ZNF469: variants seen among roughly 807,000 people sequenced by gnomAD.
ZNF469 encodes the protein zinc finger protein 469.
A neutral mutation model predicts 1.0 loss-of-function variants in ZNF469; 1 was observed. The ratio of observed to expected loss-of-function variants is 1.00; its 90% CI spans 0.35 to 4.73. The LOEUF is 4.73. ZNF469 is among the 30% of genes most tolerant of loss of function. The probability of loss-of-function intolerance (pLI) is 0.16; values close to 1 mark genes in which losing one functional copy is unlikely to be tolerated. For synonymous variants in ZNF469, 2,703 were observed against 2,363.4 expected (o/e 1.14, Z -4.17); for missense variants, 6,100 against 5,356.3 (o/e 1.14, Z -4.33).
the ZNF469 span, among the ~76,000 whole-genome samples, chr16:88,207,577 C>T: frequency 6.7e-6 from 1 of 149,684 alleles, no homozygotes; most frequent in African/African-American, 2.5e-5. Flanking sequence ...AAACCGGGAG[C>T]TTAAAACTTA....
chr16:88,149,028 G>C, the ZNF469 span, among the ~76,000 whole-genome samples: 2 of 152,194 alleles, frequency 1.3e-5, no homozygotes, highest in Admixed American at 6.5e-5. Context: ...CTGTCTTTGT[G>C]CCTGCTCCAT....
chr16:88,369,025 G>A, the ZNF469 span, among the ~76,000 whole-genome samples: 2 of 152,048 alleles, frequency 1.3e-5, no homozygotes, highest in African/African-American at 4.8e-5. Flanking sequence ...GTTGCAGTGA[G>A]CTGAGATTGC....
the ZNF469 span, among the ~76,000 whole-genome samples, chr16:88,101,291 T>A: frequency 1.3e-5 from 2 of 152,212 alleles, no homozygotes; most frequent in African/African-American, 4.8e-5. Flanking sequence ...CAGTTGATGA[T>A]AGGGAGTGCT....
chr16:88,327,144 TC>T, the ZNF469 span, among the ~76,000 whole-genome samples: 3 of 152,226 alleles, frequency 2.0e-5, no homozygotes, highest in South Asian at 6.2e-4. Context: ...CCAAATAGTG[TC>T]CCTCGTACTG....
rs1238554265 is a variant in ZNF469, at chr16:88,430,603, G to T, written c.3133G>T (p.Ala1045Ser). The change falls in exon 3 of 3, where the codon GCC becomes TCC. Residue 1045 changes from alanine to serine, a missense_variant. Physicochemically the swap from Ala to Ser is moderately conservative, Grantham distance 99. Transcript: ENST00000565624. The stretch of plus-strand genomic sequence containing the variant: ...CAGGAAGAGGAAGGCTCGGGGCGGC[G>T]CCTGGGGCAAGGAGCTCATTCTGAA... The part of the protein sequence containing the change: ...DPRKRKARGG[A>S]WGKELILKIV... The T allele has an allele frequency of 2.0e-6, 3 of 1,500,482 alleles. No individual in the cohort carries two copies. The South Asian group carries it at 3.7e-5, about 19-fold the overall frequency. 92.9% of individuals were successfully genotyped at this position (1,500,482 alleles called of 1,614,324 possible).
At chr16:88,239,699 ATATATATATATATATATTTTTTT>A in the ZNF469 span, among the ~76,000 whole-genome samples, 4 of 12,226 alleles carry the variant, frequency 3.3e-4, no homozygotes, top group African/African-American at 2.7e-3. Flanking sequence ...ATATATATAT[ATATATATATATATATATTTTTTT>A]TTTTTTTTTT....
rs77951481 is a variant in ZNF469, at chr16:88,430,187, C to G, written c.2717C>G (p.Pro906Arg). The G allele has an allele frequency of 3.2e-6, 5 of 1,547,806 alleles. No individual in the cohort carries two copies. The highest frequency in any genetic ancestry group is 4.4e-6 in the Non-Finnish European group (5 of 1,145,424). The change falls in exon 3 of 3, where the codon CCG becomes CGG. Residue 906 changes from proline (P) to arginine (R), a missense_variant. Physicochemically the swap from Pro to Arg is moderately radical, Grantham distance 103 (BLOSUM62 -2). Coordinates refer to ENST00000565624, the MANE Select transcript of ZNF469 (RefSeq NM_001367624.2). ...KAPPPLPAAT[P>R]DPQTPRPGDR... ...CCGCCCCCGCTCCCAGCAGCCACGC[C>G]GGACCCCCAAACCCCCCGCCCTGGG...
At chr16:88,118,803 C>G in the ZNF469 span, among the ~76,000 whole-genome samples, 1 of 152,288 alleles carries the variant, frequency 6.6e-6, no homozygotes, top group South Asian at 2.1e-4. Flanking sequence ...TAAGATGTTT[C>G]CGGCATTTGG....
At position 88,429,350 on chromosome 16, in the gene ZNF469, G is replaced by GC; in HGVS notation, c.1885dup (p.Leu629ProfsTer109). 1 of 1,549,734 alleles carries GC rather than the reference G, an allele frequency of 6.5e-7. No individual in the cohort carries two copies. Among genetic ancestry groups the GC allele is most frequent in the Non-Finnish European group, 8.7e-7 (1 of 1,146,712 alleles). On this transcript the variant is annotated frameshift_variant, in exon 3 of 3. Transcript: ENST00000565624. LOFTEE classifies it low-confidence loss of function (END_TRUNC). ...AGCTCAGAGGAAAGCCAGCTCCCCG[G>GC]CCCCCTCGGGCCCTCGGCCTTCTTC...
chr16:88,169,358 C>T, the ZNF469 span, among the ~76,000 whole-genome samples: 341 of 152,246 alleles, frequency 2.2e-3, 1 homozygote, highest in African/African-American at 7.8e-3. This position sits in a 1 kb window ranked among gnomAD's most constrained non-coding sequence, Gnocchi z 6.1. Flanking sequence ...TCTATCACTC[C>T]CCCAGACTCC....
chr16:88,303,808 C>G, the ZNF469 span, among the ~76,000 whole-genome samples: 4 of 152,304 alleles, frequency 2.6e-5, no homozygotes, highest in East Asian at 1.9e-4. Context: ...GTGGGAATGA[C>G]AATTATCTTC....
the ZNF469 span, among the ~76,000 whole-genome samples, chr16:88,370,202 A>T: frequency 6.6e-6 from 1 of 152,184 alleles, no homozygotes; most frequent in Non-Finnish European, 1.5e-5. Context: ...TTTTACACGC[A>T]CCTATTCGGC....
chr16:88,286,942 T>C, the ZNF469 span, among the ~76,000 whole-genome samples: 1 of 151,888 alleles, frequency 6.6e-6, no homozygotes, highest in Admixed American at 6.6e-5. Context: ...TCAGGGGGAG[T>C]GTGTATGAGA....
At position 88,399,793 on chromosome 16, in the gene ZNF469, G is replaced by A. The variant is rs185840438; in HGVS notation, c.-192+16539G>A. ...TCCCAGTCCTTCCTTCTCACCCAACGCCCAATCTCGCAGGAGTGCACAGGA... is the reference window on the plus strand; with the variant it reads ...TCCCAGTCCTTCCTTCTCACCCAACACCCAATCTCGCAGGAGTGCACAGGA... On this transcript the variant is annotated intron_variant, in intron 1 of 2. Transcript: ENST00000565624. Among the ~76,000 whole-genome samples, 249 of 152,326 alleles carry A rather than the reference G, an allele frequency of 1.6e-3. 1 individual carries two copies. The highest frequency in any genetic ancestry group is 4.0e-3 in the African/African-American group (166 of 41,574).
At chr16:88,381,572 T>C (rs760232008), upstream of ZNF469, among the ~76,000 whole-genome samples, 1 of 152,236 alleles carries the variant, frequency 6.6e-6, no homozygotes, top group Non-Finnish European at 1.5e-5. Flanking sequence ...ACCCGCTTGA[T>C]TGAAATCCTG....
At chr16:88,133,526 T>G in the ZNF469 span, among the ~76,000 whole-genome samples, 1 of 152,288 alleles carries the variant, frequency 6.6e-6, no homozygotes, top group African/African-American at 2.4e-5. Flanking sequence ...ATGTATGTAT[T>G]AAATGTATTA....
Position 88,434,987 on chromosome 16 carries a change from G to A in ZNF469, c.7517G>A (p.Ser2506Asn), listed in dbSNP as rs1906468925. The A allele has an allele frequency of 1.3e-6, 2 of 1,550,066 alleles. No homozygotes were observed. The highest frequency in any genetic ancestry group is 1.2e-5 in the South Asian group (1 of 84,068). ...CACCCGGGAGCCCCCGCGGAGCCGA[G>A]CCCAGCGGCCTTGCCTGCTCAGCAG... ...RPHPGAPAEP[S>N]PAALPAQQPL... The change falls in exon 3 of 3, where the codon AGC becomes AAC. Residue 2506 changes from serine to asparagine, a missense_variant. Coordinates refer to ENST00000565624, the MANE Select transcript of ZNF469 (RefSeq NM_001367624.2).
chr16:88,371,933 TCACCAC>T, the ZNF469 span, among the ~76,000 whole-genome samples: 2 of 5,596 alleles, frequency 3.6e-4, no homozygotes, highest in African/African-American at 1.1e-3. Flanking sequence ...ACCATCACCA[TCACCAC>T]CATCATCACC....
the ZNF469 span, among the ~76,000 whole-genome samples, chr16:88,141,958 T>C: frequency 6.6e-6 from 1 of 152,210 alleles, no homozygotes; most frequent in African/African-American, 2.4e-5. Context: ...ATTCGTGTTG[T>C]TTCAGCCATA....
Sources: allele counts gnomAD v4.1 joint callset (sites outside exome capture counted in the v4.1 genomes callset), GRCh38; gene constraint gnomAD v4.1.1; non-coding constraint Gnocchi (gnomAD v3.1); transcripts MANE v1.5; gene names NCBI Gene and HGNC (gene_info 2026-07-23, HGNC 2026-07-21).